Variants in SLC22A3 observed in about 807,000 individuals in gnomAD.
SLC22A3 encodes solute carrier family 22 member 3.
Under a neutral mutation model 59.1 loss-of-function variants are expected in SLC22A3, and 51 were observed. That is an observed-to-expected ratio of 0.86 (90% CI 0.69 to 1.09). SLC22A3 has a LOEUF of 1.09. SLC22A3 is among the 50% of genes least tolerant of loss of function. The pLI is 0.00. For synonymous variants in SLC22A3, 325 were observed against 292.0 expected, an observed-to-expected ratio of 1.11 and a Z score of -1.15; for missense variants, 711 against 726.3, an observed-to-expected ratio of 0.98 and a Z score of 0.24.
intron 2 of SLC22A3, among the ~76,000 whole-genome samples, chr6:160,399,684 A>G (rs550779506): frequency 3.9e-5 from 6 of 152,232 alleles, no homozygotes; most frequent in Non-Finnish European, 8.8e-5. Context: ...TTTGTCAATG[A>G]GAGTACAGTG....
intron 1 of SLC22A3, among the ~76,000 whole-genome samples, chr6:160,350,992 C>G (rs1000103551): frequency 1.3e-5 from 2 of 152,198 alleles, no homozygotes; most frequent in African/African-American, 4.8e-5. Flanking sequence ...CACCTGGTTA[C>G]TGTTTGGTGT....
At chr6:160,411,571 T>C (rs1253655737) in intron 5 of SLC22A3, among the ~76,000 whole-genome samples, 1 of 152,068 alleles carries the variant, frequency 6.6e-6, no homozygotes, top group African/African-American at 2.4e-5. Flanking sequence ...ACCCCATCTC[T>C]ACAAATAGAA....
At chr6:160,431,745 T>A (rs1788157592) in intron 5 of SLC22A3, among the ~76,000 whole-genome samples, 1 of 152,138 alleles carries the variant, frequency 6.6e-6, no homozygotes, top group Admixed American at 6.5e-5. Flanking sequence ...TAAAAAAAAA[T>A]TGCCTAAAAT....
At chr6:160,449,846 G>T (rs933628925) in intron 10 of SLC22A3, among the ~76,000 whole-genome samples, 5 of 152,160 alleles carry the variant, frequency 3.3e-5, no homozygotes, top group Admixed American at 2.6e-4. Context: ...GCCCACCTGA[G>T]CCTTAAAGCC....
At chr6:160,386,591 G>A (rs1284195624) in intron 1 of SLC22A3, among the ~76,000 whole-genome samples, 3 of 152,208 alleles carry the variant, frequency 2.0e-5, no homozygotes, top group Non-Finnish European at 4.4e-5. Flanking sequence ...AGTGAGGGAA[G>A]GGGAGTGGGG....
chr6:160,358,500 G>T (rs1199893716), intron 1 of SLC22A3, among the ~76,000 whole-genome samples: 1 of 152,160 alleles, frequency 6.6e-6, no homozygotes, highest in Non-Finnish European at 1.5e-5. Flanking sequence ...CGTGGCCAGG[G>T]TCCACTCTCT....
rs1162413930 is a variant in SLC22A3 at position 160,443,688 on chromosome 6, T to C, written c.1456T>C (p.Phe486Leu). 6.2e-7 allele frequency: 1 copy of C among 1,613,968 alleles called. No individual in the cohort carries two copies. Among genetic ancestry groups the C allele is most frequent in the Non-Finnish European group, 8.5e-7 (1 of 1,179,914 alleles). ...LCDFGGIIAP[F>L]LLFRLAAVWL... ...TGATTTTGGGGGAATCATAGCCCCA[T>C]TTCTGCTCTTTCGGCTAGCAGCCGT... The change falls in exon 9 of 11, where the codon TTT becomes CTT. Residue 486 changes from phenylalanine to leucine, a missense_variant. By Grantham distance (22) the Phe-to-Leu change is conservative. Transcript: ENST00000275300.
intron 1 of SLC22A3, among the ~76,000 whole-genome samples, chr6:160,357,399 C>A (rs183114774): frequency 3.9e-4 from 60 of 152,258 alleles, no homozygotes; most frequent in African/African-American, 1.4e-3. Flanking sequence ...CTTCTGCCAA[C>A]GGGAAGCTTT....
At chr6:160,421,460 G>A (rs1787733736) in intron 5 of SLC22A3, among the ~76,000 whole-genome samples, 1 of 152,168 alleles carries the variant, frequency 6.6e-6, no homozygotes, top group African/African-American at 2.4e-5. Context: ...AAATGCGTGG[G>A]CTTCCCCCTT....
chr6:160,355,713 A>G (rs904088169), intron 1 of SLC22A3, among the ~76,000 whole-genome samples: 2 of 152,132 alleles, frequency 1.3e-5, no homozygotes, highest in African/African-American at 4.8e-5. Flanking sequence ...CGGAGCTTGC[A>G]GTAAGCTGAG....
At chr6:160,426,232 A>G (rs1583502386) in intron 5 of SLC22A3, 1 of 985,270 alleles carries the variant, frequency 1.0e-6, no homozygotes, top group South Asian at 4.7e-5. Flanking sequence ...TGAGTTACAT[A>G]AGGAAGGCAA....
In SLC22A3 at chr6:160,388,169, A is replaced by C. The variant is rs763226904; in HGVS notation, c.430-9810A>C. On this transcript the variant is annotated intron_variant, in intron 1 of 10. Coordinates refer to ENST00000275300, the MANE Select transcript of SLC22A3 (RefSeq NM_021977.4). ...GAATATGTGTTATTCTAAGCCACTA[A>C]GTTGGTGGTAATTTGTTATATAGCA... is the stretch of plus-strand genomic sequence containing the variant. Among the ~76,000 whole-genome samples, 53 of 152,298 alleles carry C rather than the reference A, an allele frequency of 3.5e-4. No individual in the cohort carries two copies. The Middle Eastern group carries it at 0.01, about 29-fold the overall frequency.
rs981386716 is a variant in SLC22A3 at position 160,422,118 on chromosome 6, T to G, written c.975+11272T>G. 1.6e-4 allele frequency among the ~76,000 whole-genome samples: 24 copies of G among 152,324 alleles called. No homozygotes were observed. The South Asian group carries it at 3.7e-3, about 24-fold the overall frequency. On this transcript the variant is annotated intron_variant, in intron 5 of 10. Coordinates refer to ENST00000275300, the MANE Select transcript of SLC22A3 (RefSeq NM_021977.4). Reference sequence around the variant, plus strand: ...CATGGCAGTACTGCTTGCTAGACCTTGGACCCACCAGGAAAATTATCTTTC... The same window carrying G: ...CATGGCAGTACTGCTTGCTAGACCTGGGACCCACCAGGAAAATTATCTTTC...
At position 160,437,014 on chromosome 6, in the gene SLC22A3, T is replaced by G; in HGVS notation, c.1091T>G (p.Val364Gly). Residue 364 changes from valine (V) to glycine (G), a missense_variant, in exon 7 of 11, where the codon GTG becomes GGG. Val to Gly is a moderately radical substitution (Grantham distance 109). Transcript: ENST00000275300. ...TGCTACAGGTTCACAAGCGCAGTGG[T>G]GTATCAAGGACTTGTCATGCGCCTG... ...LMFAWFTSAV[V>G]YQGLVMRLGI... 6 of 1,614,180 alleles carry G rather than the reference T, an allele frequency of 3.7e-6. No homozygotes were observed. Among genetic ancestry groups the G allele is most frequent in the Non-Finnish European group, 5.1e-6 (6 of 1,180,014 alleles).
intron 1 of SLC22A3, among the ~76,000 whole-genome samples, chr6:160,365,249 CCCT>C (rs756201413): frequency 1.2e-4 from 18 of 152,084 alleles, no homozygotes; most frequent in Non-Finnish European, 2.5e-4. Flanking sequence ...CATTATTTTC[CCCT>C]ATTTTCAAGG....
chr6:160,443,912 TCA>T (rs1280575161), intron 9 of SLC22A3, among the ~76,000 whole-genome samples, 170 bp downstream of exon 9: 3 of 152,202 alleles, frequency 2.0e-5, no homozygotes, highest in Non-Finnish European at 4.4e-5. Context: ...AATAACTATT[TCA>T]GTTTTGAGAG....
chr6:160,450,646 T>G (rs1021588752), intron 10 of SLC22A3, among the ~76,000 whole-genome samples: 7 of 152,164 alleles, frequency 4.6e-5, no homozygotes, highest in African/African-American at 1.7e-4. Context: ...AAATGAAATA[T>G]TCACAATTTA....
chr6:160,440,013 T>C (rs141157665), intron 7 of SLC22A3, among the ~76,000 whole-genome samples: 414 of 152,102 alleles, frequency 2.7e-3, no homozygotes, highest in South Asian at 5.6e-3. Flanking sequence ...AGCTCTAAAA[T>C]AGTCTCACAG....
At chr6:160,365,029 A>C (rs1298392514) in intron 1 of SLC22A3, among the ~76,000 whole-genome samples, 1 of 152,062 alleles carries the variant, frequency 6.6e-6, no homozygotes, top group Admixed American at 6.5e-5. Context: ...TTACATAGTA[A>C]AATCAATAAT....
Sources: allele counts gnomAD v4.1 joint callset (sites outside exome capture counted in the v4.1 genomes callset), GRCh38; gene constraint gnomAD v4.1.1; transcripts MANE v1.5; gene names NCBI Gene and HGNC (gene_info 2026-07-23, HGNC 2026-07-21).